EFHC2: variants seen among roughly 807,000 people sequenced by gnomAD.
The protein encoded by EFHC2 is EF-hand domain containing 2, also known as EF-hand domain-containing family member C2.
EFHC2 carries 18 observed loss-of-function variants against 52.7 expected under a neutral mutation model. The observed-to-expected ratio is 0.34, with a 90% CI of 0.24 to 0.51. The LOEUF (loss-of-function observed/expected upper bound fraction) is 0.51. EFHC2 is among the 20% of genes least tolerant of loss of function. The probability of loss-of-function intolerance (pLI) is 0.97; values close to 1 mark genes in which losing one functional copy is unlikely to be tolerated. For synonymous variants in EFHC2, 203 were observed against 204.1 expected (o/e 0.99, Z 0.04); for missense variants, 513 against 562.5 (o/e 0.91, Z 0.89).
intron 7 of EFHC2, among the ~76,000 whole-genome samples, chrX:44,244,021 A>C (rs1324950143): frequency 8.9e-6 from 1 of 111,807 alleles, no homozygotes; most frequent in Non-Finnish European, 1.9e-5. Context: ...TCTACATACC[A>C]ATCTAAGCAG....
chrX:44,289,344 T>C (rs916903204), intron 2 of EFHC2, among the ~76,000 whole-genome samples: 2 of 111,686 alleles, frequency 1.8e-5, no homozygotes, highest in African/African-American at 6.5e-5. Flanking sequence ...GAAAAGTATG[T>C]GGATAGCATA....
At chrX:44,291,977 T>C (rs1318058572) in intron 2 of EFHC2, among the ~76,000 whole-genome samples, 1 of 111,616 alleles carries the variant, frequency 9.0e-6, no homozygotes, top group Non-Finnish European at 1.9e-5. Context: ...TCAGACTTCC[T>C]GGAAAAATGA....
chrX:44,292,395 C>G (rs1252185827), intron 2 of EFHC2, among the ~76,000 whole-genome samples: 1 of 111,192 alleles, frequency 9.0e-6, no homozygotes, highest in Non-Finnish European at 1.9e-5. Context: ...TTCATACACA[C>G]CTTATACACA....
intron 1 of EFHC2, among the ~76,000 whole-genome samples, chrX:44,327,725 G>C (rs1266040533): frequency 9.0e-6 from 1 of 111,617 alleles, no homozygotes; most frequent in Non-Finnish European, 1.9e-5. Flanking sequence ...AAGACTATAA[G>C]AGCATGAAAG....
chrX:44,308,133 T>A (rs1211726901), intron 2 of EFHC2, among the ~76,000 whole-genome samples: 1 of 111,209 alleles, frequency 9.0e-6, no homozygotes, highest in Non-Finnish European at 1.9e-5. Flanking sequence ...AATAAAAAAT[T>A]TCTGATTTAA....
intron 11 of EFHC2, among the ~76,000 whole-genome samples, chrX:44,190,589 G>A (rs1434404514): frequency 1.8e-5 from 2 of 110,267 alleles, no homozygotes; most frequent in African/African-American, 6.6e-5. Flanking sequence ...TTCATGTATT[G>A]TTACCATTAC....
At chrX:44,180,365 A>C (rs990337050) in intron 11 of EFHC2, among the ~76,000 whole-genome samples, 5 of 112,452 alleles carry the variant, frequency 4.4e-5, no homozygotes, top group African/African-American at 1.3e-4. Context: ...CACTCCAAGG[A>C]AAGCCCCTGG....
At chrX:44,251,902 A>T (rs1010181964) in intron 4 of EFHC2, among the ~76,000 whole-genome samples, 3 of 110,135 alleles carry the variant, frequency 2.7e-5, no homozygotes, top group African/African-American at 9.9e-5. Context: ...TGACCTATAT[A>T]CTTAAGATTT....
intron 11 of EFHC2, among the ~76,000 whole-genome samples, chrX:44,218,842 T>C (rs2037171367): frequency 9.0e-6 from 1 of 111,708 alleles, no homozygotes; most frequent in Non-Finnish European, 1.9e-5. Context: ...TTCCTAGGTA[T>C]AACCAAGAGA....
chrX:44,208,613 C>A (rs1296362144), intron 11 of EFHC2, among the ~76,000 whole-genome samples: 1 of 111,388 alleles, frequency 9.0e-6, no homozygotes, highest in Non-Finnish European at 1.9e-5. Flanking sequence ...ATGTAACAAA[C>A]CTGCACATGT....
intron 3 of EFHC2, among the ~76,000 whole-genome samples, chrX:44,269,600 C>T (rs2037602645): frequency 9.0e-6 from 1 of 110,937 alleles, no homozygotes; most frequent in Non-Finnish European, 1.9e-5. Flanking sequence ...CTCTTGCTCC[C>T]CGTCTTGCCA....
intron 3 of EFHC2, among the ~76,000 whole-genome samples, chrX:44,267,934 A>G: frequency 8.9e-6 from 1 of 112,545 alleles, no homozygotes; most frequent in South Asian, 3.7e-4. Flanking sequence ...TATCATATTA[A>G]ATATTTCAAG....
chrX:44,339,204 C>G (rs867196427), intron 1 of EFHC2, among the ~76,000 whole-genome samples: 1 of 71,983 alleles, frequency 1.4e-5, no homozygotes, highest in African/African-American at 6.6e-5. Context: ...AAAAAAAAAG[C>G]AGAAAGAGTG....
chrX:44,295,644 A>G (rs759484838), intron 2 of EFHC2, among the ~76,000 whole-genome samples: 1 of 111,179 alleles, frequency 9.0e-6, no homozygotes, highest in Non-Finnish European at 1.9e-5. Flanking sequence ...TCTCCAGGTG[A>G]AAGATGAACT....
At chrX:44,305,031 G>T (rs923642575) in intron 2 of EFHC2, among the ~76,000 whole-genome samples, 2 of 110,316 alleles carry the variant, frequency 1.8e-5, no homozygotes, top group Admixed American at 1.9e-4. Flanking sequence ...GGAGGCTGAG[G>T]GGGGTGGATT....
chrX:44,173,862 G>A (rs756978904), intron 13 of EFHC2, among the ~76,000 whole-genome samples: 3 of 112,133 alleles, frequency 2.7e-5, no homozygotes, highest in Non-Finnish European at 5.6e-5. Context: ...CACTGGATAA[G>A]AAACATGTAG....
intron 2 of EFHC2, chrX:44,310,109 C>G: frequency 1.4e-6 from 1 of 702,329 alleles, no homozygotes. Flanking sequence ...TAAAATATCT[C>G]TCCTCGGGCT....
intron 2 of EFHC2, among the ~76,000 whole-genome samples, chrX:44,297,881 A>G (rs189032539): frequency 1.8e-4 from 20 of 109,080 alleles, no homozygotes; most frequent in African/African-American, 6.7e-4. Flanking sequence ...TAGAAGATGA[A>G]TAAAAATGGA....
chrX:44,199,031 T>C (rs1348836445), intron 11 of EFHC2, among the ~76,000 whole-genome samples: 3 of 112,501 alleles, frequency 2.7e-5, no homozygotes, highest in Non-Finnish European at 5.6e-5. Context: ...ACTTACTATA[T>C]AAAGCTCTGA....
Sources: allele counts gnomAD v4.1 joint callset (sites outside exome capture counted in the v4.1 genomes callset), GRCh38; gene constraint gnomAD v4.1.1; transcripts MANE v1.5; gene names NCBI Gene and HGNC (gene_info 2026-07-23, HGNC 2026-07-21).